Variants in SORCS2 observed in about 807,000 individuals in gnomAD.
SORCS2 encodes sortilin related VPS10 domain containing receptor 2.
Under a neutral mutation model 141.6 loss-of-function variants are expected in SORCS2, and 100 were observed. That is an observed-to-expected ratio of 0.71 (90% confidence interval 0.60 to 0.83). SORCS2 has a LOEUF of 0.83. SORCS2 is among the 40% of genes least tolerant of loss of function. SORCS2 has a pLI of 0.00. For missense variants in SORCS2, 1,646 were observed against 1,560.2 expected, an observed-to-expected ratio of 1.05 and a Z score of -0.93; for synonymous variants, 789 against 676.9, an observed-to-expected ratio of 1.17 and a Z score of -2.57.
intron 2 of SORCS2, among the ~76,000 whole-genome samples, chr4:7,520,220 C>T (rs182748812): frequency 5.1e-4 from 77 of 152,266 alleles, no homozygotes; most frequent in African/African-American, 1.6e-3. Flanking sequence ...CCTGGCATCG[C>T]GCCGATGCTC....
intron 12 of SORCS2, among the ~76,000 whole-genome samples, chr4:7,698,305 C>T (rs1171828686): frequency 1.3e-5 from 2 of 152,234 alleles, no homozygotes; most frequent in Non-Finnish European, 2.9e-5. Flanking sequence ...AGTACCCCAG[C>T]CACGGCCCCC....
At chr4:7,263,060 C>A (rs1025393757) in intron 1 of SORCS2, among the ~76,000 whole-genome samples, 3 of 152,146 alleles carry the variant, frequency 2.0e-5, no homozygotes, top group Non-Finnish European at 4.4e-5. Flanking sequence ...AGAACAGGGG[C>A]TTTGGAACCA....
chr4:7,392,214 C>T (rs1276872814), intron 1 of SORCS2, among the ~76,000 whole-genome samples: 1 of 152,222 alleles, frequency 6.6e-6, no homozygotes, highest in Non-Finnish European at 1.5e-5. Flanking sequence ...CCTTGTGTCT[C>T]CCAGGGTTCT....
intron 1 of SORCS2, among the ~76,000 whole-genome samples, chr4:7,269,876 G>T (rs6446590): frequency 0.26 from 40,073 of 152,122 alleles, 5,560 homozygotes; most frequent in African/African-American, 0.31. Context: ...GATGTGGATT[G>T]TACTACTTAT....
At chr4:7,267,341 C>T (rs866377014) in intron 1 of SORCS2, among the ~76,000 whole-genome samples, 5 of 152,194 alleles carry the variant, frequency 3.3e-5, no homozygotes, top group South Asian at 2.1e-4. Flanking sequence ...CCTGGGAGAT[C>T]CTGGAGAAAC....
intron 1 of SORCS2, among the ~76,000 whole-genome samples, chr4:7,357,284 A>G (rs1252144242): frequency 6.6e-6 from 1 of 152,206 alleles, no homozygotes; most frequent in Non-Finnish European, 1.5e-5. Context: ...AAAAAATCCA[A>G]TAAAAAATAT....
rs117558546 is a variant in SORCS2, at chr4:7,485,815, G to A, written c.549-45715G>A. 5.3e-5 allele frequency among the ~76,000 whole-genome samples: 8 copies of A among 152,290 alleles called. No homozygotes were observed. The South Asian group carries it at 8.3e-4, about 16-fold the overall frequency. Reference sequence around the variant, plus strand: ...CCAGTGGCAGGAGGGAGAGACGTGTGGAGGGAGGATGCCAGGGTGAAAGGA... The same window carrying A: ...CCAGTGGCAGGAGGGAGAGACGTGTAGAGGGAGGATGCCAGGGTGAAAGGA... On this transcript the variant is annotated intron_variant, in intron 2 of 26. Transcript: ENST00000507866.
chr4:7,236,658 T>G (rs34066319), intron 1 of SORCS2, among the ~76,000 whole-genome samples: 7,911 of 152,230 alleles, frequency 0.052, 666 homozygotes, highest in African/African-American at 0.17. Context: ...CTCGGCTCAC[T>G]ACAACTTCTG....
intron 2 of SORCS2, among the ~76,000 whole-genome samples, chr4:7,403,253 T>C (rs1724712460): frequency 6.6e-6 from 1 of 152,192 alleles, no homozygotes; most frequent in African/African-American, 2.4e-5. Flanking sequence ...GTTCAGGCTG[T>C]TGGCTGATGG....
intron 1 of SORCS2, among the ~76,000 whole-genome samples, chr4:7,378,078 T>G (rs1283678788): frequency 6.6e-6 from 1 of 152,234 alleles, no homozygotes; most frequent in Non-Finnish European, 1.5e-5. Context: ...CTAGCTGAAC[T>G]ACATGGAGAA....
In SORCS2 at chr4:7,654,163, G is replaced by C; in HGVS notation, c.843G>C (p.Lys281Asn). Residue 281 changes from lysine to asparagine, a missense_variant, in exon 5 of 27, where the codon AAG (lysine) becomes AAC (asparagine). Physicochemically the swap from Lys to Asn is moderately conservative, Grantham distance 94. Coordinates refer to ENST00000507866, the MANE Select transcript of SORCS2 (RefSeq NM_020777.3). ...KLYVSSDLGK[K>N]WTLLQERVTK... ...ACGTGTCATCTGACTTGGGGAAAAA[G>C]TGGACACTTCTGCAAGAGCGAGTGA... is the stretch of plus-strand genomic sequence containing the variant. 1 of 1,583,760 alleles carries C rather than the reference G, an allele frequency of 6.3e-7. No individual in the cohort carries two copies. The highest frequency in any genetic ancestry group is 8.6e-7 in the Non-Finnish European group (1 of 1,163,534).
At chr4:7,515,177 C>A (rs1461458778) in intron 2 of SORCS2, among the ~76,000 whole-genome samples, 1 of 152,194 alleles carries the variant, frequency 6.6e-6, no homozygotes, top group African/African-American at 2.4e-5. Context: ...AGGCGTGGCT[C>A]CCTCCTCTGT....
chr4:7,418,710 C>CA (rs910495404), intron 2 of SORCS2, among the ~76,000 whole-genome samples: 8 of 118,356 alleles, frequency 6.8e-5, no homozygotes, highest in East Asian at 2.4e-4. Context: ...TGACCCCCCC[C>CA]CCCACCAGAT....
intron 1 of SORCS2, among the ~76,000 whole-genome samples, chr4:7,235,305 C>T (rs1270408194): frequency 1.3e-5 from 2 of 152,224 alleles, no homozygotes; most frequent in African/African-American, 2.4e-5. Context: ...GTGGCCTCAT[C>T]GCCAGGACCC....
At position 7,193,032 on chromosome 4, in the gene SORCS2, G is replaced by T; in HGVS notation, c.386G>T (p.Arg129Leu). 2 of 1,509,126 alleles carry T rather than the reference G, an allele frequency of 1.3e-6. No individual in the cohort carries two copies. Among genetic ancestry groups the T allele is most frequent in the Non-Finnish European group, 1.8e-6 (2 of 1,138,882 alleles). 93.5% of individuals were successfully genotyped at this position (1,509,126 alleles called of 1,614,324 possible). Residue 129 changes from arginine (R) to leucine (L), a missense_variant, in exon 1 of 27, where the codon CGG (arginine) becomes CTG (leucine). By Grantham distance (102) the Arg-to-Leu change is moderately radical. Coordinates refer to ENST00000507866, the MANE Select transcript of SORCS2 (RefSeq NM_020777.3). The surrounding 1 kb of genome is among the most constrained non-coding windows in gnomAD (Gnocchi z 4.8). ...GCGCCGCTGGCCGGAGTGGCTTCGC[G>T]GGCGCAGGTCTCGCTCATCAGCACG... ...RAAPLAGVAS[R>L]AQVSLISTSF...
intron 2 of SORCS2, among the ~76,000 whole-genome samples, chr4:7,459,014 A>G (rs1729112827): frequency 1.3e-5 from 2 of 152,038 alleles, no homozygotes; most frequent in Non-Finnish European, 2.9e-5. Context: ...GGGGTCAGAG[A>G]GAAGCCTGCT....
chr4:7,229,925 G>A (rs113730640), intron 1 of SORCS2, among the ~76,000 whole-genome samples: 1 of 147,224 alleles, frequency 6.8e-6, no homozygotes, highest in East Asian at 2.0e-4. Flanking sequence ...TCAAGTCTTC[G>A]AGTCTCTGGG....
chr4:7,388,400 A>C (rs550238034), intron 1 of SORCS2, among the ~76,000 whole-genome samples: 4 of 152,246 alleles, frequency 2.6e-5, no homozygotes, highest in African/African-American at 9.6e-5. Flanking sequence ...CCGATGGGGG[A>C]GGGGAAATGG....
At chr4:7,738,618 G>A (rs1010436705) in intron 26 of SORCS2, among the ~76,000 whole-genome samples, 12 of 152,276 alleles carry the variant, frequency 7.9e-5, no homozygotes, top group African/African-American at 2.9e-4. Flanking sequence ...GGAGGTCTTG[G>A]CACCACCAGC....
Sources: allele counts gnomAD v4.1 joint callset (sites outside exome capture counted in the v4.1 genomes callset), GRCh38; gene constraint gnomAD v4.1.1; non-coding constraint Gnocchi (gnomAD v3.1); transcripts MANE v1.5; gene names NCBI Gene and HGNC (gene_info 2026-07-23, HGNC 2026-07-21).